The following DPEP1 variants were observed in gnomAD, a reference collection of about 807,000 sequenced individuals.
DPEP1 encodes dipeptidase 1, also known as beta-lactamase.
A neutral mutation model predicts 42.3 loss-of-function variants in DPEP1; 50 were observed. The observed-to-expected ratio is 1.18, with a 90% CI of 0.94 to 1.50. The LOEUF (loss-of-function observed/expected upper bound fraction) is 1.50, where lower values mean the gene tolerates loss of function less well. Among genes scored for constraint, DPEP1 ranks in the 40% most tolerant of loss-of-function variants. The pLI is 0.00. For synonymous variants in DPEP1, 297 were observed against 234.0 expected (o/e 1.27, Z -2.46); for missense variants, 663 against 553.0 (o/e 1.20, Z -1.99).
At chr16:89,627,748 C>T (rs1460812254) in intron 1 of DPEP1, among the ~76,000 whole-genome samples, 16 of 146,178 alleles carry the variant, frequency 1.1e-4, no homozygotes, top group Non-Finnish European at 2.0e-4. Context: ...GCAACCTCCG[C>T]CTCCCTGGTT....
intron 1 of DPEP1, among the ~76,000 whole-genome samples, chr16:89,621,548 C>G (rs561700438): frequency 2.0e-5 from 3 of 152,170 alleles, no homozygotes; most frequent in Non-Finnish European, 2.9e-5. Flanking sequence ...CCGGGCTCCC[C>G]GTGGAGCTGC....
chr16:89,618,911 CCCTCCCTGCTCCCTCCCTGCAGCTCCCTG>C lies in DPEP1; in HGVS notation c.-107+5195_-107+5223del, dbSNP rs1191729556. Among the ~76,000 whole-genome samples the C allele has an allele frequency of 4.0e-5, 6 of 150,476 alleles. No individual in the cohort carries two copies. The East Asian group carries it at 1.1e-3, about 28-fold the overall frequency. ...TCTACCTTTGGCTTCCGGAGGGTTG[CCCTCCCTGCTCCCTCCCTGCAGCTCCCTG>C]CCCCCCTGCTCCCCTCCCTGCAGCC... On this transcript the variant is annotated intron_variant, in intron 1 of 10. Coordinates refer to ENST00000690203, the MANE Select transcript of DPEP1 (RefSeq NM_001389466.1).
intron 1 of DPEP1, among the ~76,000 whole-genome samples, chr16:89,615,358 C>T (rs2059371011): frequency 1.3e-5 from 2 of 152,266 alleles, no homozygotes; most frequent in South Asian, 4.1e-4. Context: ...GCGGGCCTGG[C>T]AGGGCAGTGG....
Position 89,638,145 on chromosome 16 carries a change from G to A in DPEP1, c.1159G>A (p.Ala387Thr), listed in dbSNP as rs1342873645. 2 of 1,611,008 alleles carry A rather than the reference G, an allele frequency of 1.2e-6. No homozygotes were observed. Among genetic ancestry groups the A allele is most frequent in the Non-Finnish European group, 1.7e-6 (2 of 1,178,842 alleles). The stretch of plus-strand genomic sequence containing the variant: ...GACCCATTACGGCTACTCCTCTGGG[G>A]CTTCCAGCCTCCATCGCCACTGGGG... ...CRTHYGYSSG[A>T]SSLHRHWGLL... is the part of the protein sequence containing the mutation. The change falls in exon 11 of 11, where the codon GCT becomes ACT. Residue 387 changes from alanine to threonine, a missense_variant. Ala to Thr is a moderately conservative substitution (Grantham distance 58, BLOSUM62 0). Transcript: ENST00000690203.
chr16:89,634,884 C>G (rs2059647779), intron 2 of DPEP1, among the ~76,000 whole-genome samples: 1 of 122,136 alleles, frequency 8.2e-6, no homozygotes, highest in Admixed American at 7.8e-5. Flanking sequence ...TTCCCTTTCC[C>G]TTCCTTCTCC....
intron 1 of DPEP1, chr16:89,616,864 G>A: frequency 4.2e-6 from 1 of 236,204 alleles, no homozygotes; most frequent in South Asian, 3.6e-5. Flanking sequence ...AAGCAGGCAG[G>A]AAGTGGGCAG....
At position 89,636,319 on chromosome 16, in the gene DPEP1, C is replaced by T. The variant is rs201482814; in HGVS notation, c.293C>T (p.Thr98Met). ...CAGAACAAAGACGCCGTGCGGAGGA[C>T]GCTGGAGCAGATGGACGTGGTCCAC... ...DTQNKDAVRR[T>M]LEQMDVVHRM... Residue 98 changes from threonine to methionine, a missense_variant, in exon 4 of 11, where the codon ACG becomes ATG. Thr to Met is a moderately conservative substitution (Grantham distance 81). Transcript: ENST00000690203. The T allele has an allele frequency of 4.3e-5, 70 of 1,612,460 alleles. 2 individuals are homozygous for T. The highest frequency in any genetic ancestry group is 2.4e-4 in the South Asian group (22 of 91,012).
At chr16:89,618,826 G>A (rs61408277) in intron 1 of DPEP1, among the ~76,000 whole-genome samples, 2 of 151,880 alleles carry the variant, frequency 1.3e-5, no homozygotes, top group African/African-American at 2.4e-5. Flanking sequence ...AGAACGGTAG[G>A]AACCCTGCAC....
intron 1 of DPEP1, chr16:89,616,791 T>G (rs574638496): frequency 7.6e-6 from 2 of 264,002 alleles, no homozygotes; most frequent in African/African-American, 2.4e-5. Context: ...AGGCAGGAAG[T>G]GGGCAGGAAG....
intron 1 of DPEP1, among the ~76,000 whole-genome samples, chr16:89,616,334 A>T (rs962153034): frequency 2.0e-5 from 3 of 152,108 alleles, no homozygotes; most frequent in Non-Finnish European, 4.4e-5. Context: ...TCCGGGGCTG[A>T]CCGGGCACAG....
intron 1 of DPEP1, among the ~76,000 whole-genome samples, chr16:89,617,830 C>A (rs2059397203): frequency 8.0e-6 from 1 of 124,846 alleles, no homozygotes; most frequent in Non-Finnish European, 1.7e-5. Flanking sequence ...TTGAGACTAG[C>A]CTGGCCAACA....
At chr16:89,629,384 C>G (rs557452306) in intron 1 of DPEP1, among the ~76,000 whole-genome samples, 3 of 152,196 alleles carry the variant, frequency 2.0e-5, no homozygotes, top group African/African-American at 7.2e-5. Flanking sequence ...CGCCTGTGGT[C>G]CCAGCTACTC....
rs749325050 is a variant in DPEP1, at chr16:89,638,158, A to G, written c.1172A>G (p.His391Arg). 4.3e-6 allele frequency: 7 copies of G among 1,609,798 alleles called. No individual in the cohort carries two copies. In the East Asian group the frequency reaches 1.3e-4, roughly 31 times the overall value. Residue 391 changes from histidine (H) to arginine (R), a missense_variant, in exon 11 of 11, where the codon CAT (histidine) becomes CGT (arginine). Transcript: ENST00000690203. ...YGYSSGASSLHRHWGLLLASL... is the reference protein window; with the variant it reads ...YGYSSGASSLRRHWGLLLASL... ...TACTCCTCTGGGGCTTCCAGCCTCC[A>G]TCGCCACTGGGGGCTCCTGCTGGCC...
At position 89,638,361 on chromosome 16, in the gene DPEP1, G is replaced by T; in HGVS notation, c.*139G>T. 7.0e-7 allele frequency: 1 copy of T among 1,424,548 alleles called. No individual in the cohort carries two copies. The highest frequency in any genetic ancestry group is 9.1e-7 in the Non-Finnish European group (1 of 1,094,218). The allele number at this position is 1,424,548 out of a possible 1,614,324, so 88.2% of individuals were successfully genotyped here. A position where few individuals can be genotyped will look rare whatever the true frequency, so the allele number is the denominator to read the frequency against. On this transcript the variant is annotated 3_prime_UTR_variant, in exon 11 of 11. Transcript: ENST00000690203. ...CTGAGAGGACGCCTGGGCTTACCTG[G>T]GGGGCAGGATGCCTGGGGACAGTTC...
chr16:89,625,377 A>G (rs2059496424), intron 1 of DPEP1, among the ~76,000 whole-genome samples: 1 of 152,106 alleles, frequency 6.6e-6, no homozygotes, highest in Non-Finnish European at 1.5e-5. Flanking sequence ...TTCTCTTCCC[A>G]ACGAACTCAT....
intron 1 of DPEP1, among the ~76,000 whole-genome samples, chr16:89,621,142 G>C (rs2059442770): frequency 6.6e-6 from 1 of 152,130 alleles, no homozygotes; most frequent in Non-Finnish European, 1.5e-5. Context: ...GGTAGCAAGG[G>C]TGGGGAGGCC....
chr16:89,630,954 G>A lies in DPEP1; in HGVS notation c.104+440G>A, dbSNP rs769476918. The stretch of plus-strand genomic sequence containing the variant: ...TCTCAGGGCCCCCAAAGACTTCAGC[G>A]GATGAAGGTCTGCAGGGACTGGGCA... On this transcript the variant is annotated intron_variant, in intron 2 of 10. Coordinates refer to ENST00000690203, the MANE Select transcript of DPEP1 (RefSeq NM_001389466.1). Among the ~76,000 whole-genome samples the A allele has an allele frequency of 6.3e-4, 96 of 152,148 alleles. 1 individual carries two copies. Among genetic ancestry groups the A allele is most frequent in the Admixed American group, 4.4e-3 (67 of 15,270 alleles).
In DPEP1 at chr16:89,637,192, C is replaced by A. The variant is rs781251798; in HGVS notation, c.592-12C>A. On this transcript the variant is annotated splice_polypyrimidine_tract_variant and intron_variant, in intron 6 of 10. Transcript: ENST00000690203. ...GGGGGCTGTGAGGGTGGACGGAGCC[C>A]TGTCTTCCCAGCGTGTGGTGAAGGA... The A allele has an allele frequency of 1.1e-5, 18 of 1,609,786 alleles. No homozygotes were observed. Among genetic ancestry groups the A allele is most frequent in the Non-Finnish European group, 1.4e-5 (17 of 1,178,162 alleles).
intron 1 of DPEP1, among the ~76,000 whole-genome samples, chr16:89,618,867 G>A (rs1218902413): frequency 6.6e-6 from 1 of 151,824 alleles, no homozygotes; most frequent in Non-Finnish European, 1.5e-5. Context: ...CTTTACGTAC[G>A]CACATCCCAC....
Sources: allele counts gnomAD v4.1 joint callset (sites outside exome capture counted in the v4.1 genomes callset), GRCh38; gene constraint gnomAD v4.1.1; transcripts MANE v1.5; gene names NCBI Gene and HGNC (gene_info 2026-07-23, HGNC 2026-07-21).